The following FDCSP variants were observed in gnomAD, a reference collection of about 807,000 sequenced individuals.
FDCSP encodes follicular dendritic cell secreted peptide.
FDCSP carries 8 observed loss-of-function variants against 8.9 expected under a neutral mutation model. The ratio of observed to expected loss-of-function variants is 0.90; its 90% CI spans 0.53 to 1.63. The LOEUF is 1.63. Among genes scored for constraint, FDCSP ranks in the 40% most tolerant of loss-of-function variants. The pLI is 0.00. For synonymous variants in FDCSP, 34 were observed against 34.5 expected (o/e 0.98, Z 0.06); for missense variants, 101 against 103.6 (o/e 0.98, Z 0.11).
At position 70,234,898 on chromosome 4, in the gene FDCSP, AT is replaced by A. The variant is rs534397138; in HGVS notation, c.*29-186del. On this transcript the variant is annotated intron_variant, in intron 4 of 4. Transcript: ENST00000317987. ...CCCAGAGGACTGTTCTAGGAAAAAA[AT>A]ATTTCAGCTACTACTTACCACTAAA... Among the ~76,000 whole-genome samples, 324 of 151,462 alleles carry A rather than the reference AT, an allele frequency of 2.1e-3. 2 individuals carry two copies. The highest frequency in any genetic ancestry group is 7.3e-3 in the African/African-American group (303 of 41,460).
At chr4:70,230,415 C>A (rs888403642) in intron 1 of FDCSP, among the ~76,000 whole-genome samples, 6 of 151,666 alleles carry the variant, frequency 4.0e-5, no homozygotes, top group Non-Finnish European at 4.4e-5. Flanking sequence ...TTGAATAAAT[C>A]TTTAATTTAG....
At chr4:70,234,764 T>C (rs1388358767) in intron 4 of FDCSP, among the ~76,000 whole-genome samples, 3 of 151,254 alleles carry the variant, frequency 2.0e-5, no homozygotes, top group Non-Finnish European at 3.0e-5. Context: ...TGTCAATTAC[T>C]AGATAAATTG....
intron 2 of FDCSP, among the ~76,000 whole-genome samples, chr4:70,231,635 G>T (rs1316635727): frequency 2.6e-5 from 4 of 151,612 alleles, no homozygotes; most frequent in African/African-American, 9.7e-5. Flanking sequence ...AAAAAATTAT[G>T]CACAGTTCAT....
At position 70,227,730 on chromosome 4, in the gene FDCSP, A is replaced by C. The variant is rs1514395; in HGVS notation, c.-1+1548A>C. 5.5e-3 allele frequency among the ~76,000 whole-genome samples: 838 copies of C among 151,894 alleles called. 10 individuals carry two copies. The highest frequency in any genetic ancestry group is 0.019 in the African/African-American group (793 of 41,518). ...TGACCACCACCATAGAATGAGTATC[A>C]AAGTTAGGCAGGTCAAATGAATTTC... is the stretch of plus-strand genomic sequence containing the variant. On this transcript the variant is annotated intron_variant, in intron 1 of 4. Coordinates refer to ENST00000317987, the MANE Select transcript of FDCSP (RefSeq NM_152997.4).
In FDCSP at chr4:70,234,111, T is replaced by C. The variant is rs758824568; in HGVS notation, c.182T>C (p.Phe61Ser). The C allele has an allele frequency of 1.2e-6, 2 of 1,611,458 alleles. No homozygotes were observed. The highest frequency in any genetic ancestry group is 1.7e-5 in the Admixed American group (1 of 59,754). Reference protein sequence around the residue: ...RPLPPIPFPRFPWFRRNFPIP... With the variant: ...RPLPPIPFPRSPWFRRNFPIP... The stretch of plus-strand genomic sequence containing the variant: ...CTTCCACCAATTCCATTTCCAAGAT[T>C]TCCATGGTTTAGACGTAATTTTCCT... The change falls in exon 4 of 5, where the codon TTT (phenylalanine) becomes TCT (serine). Residue 61 changes from phenylalanine to serine, a missense_variant. Physicochemically the swap from Phe to Ser is radical, Grantham distance 155 (BLOSUM62 -2). Transcript: ENST00000317987.
intron 1 of FDCSP, among the ~76,000 whole-genome samples, chr4:70,227,909 C>T (rs758030859): frequency 6.6e-6 from 1 of 151,818 alleles, no homozygotes; most frequent in African/African-American, 2.4e-5. Flanking sequence ...TTCACTGAGT[C>T]ATAATCTTTT....
In FDCSP at chr4:70,234,125, C is replaced by T. The variant is rs764407142; in HGVS notation, c.196C>T (p.Arg66Cys). The T allele has an allele frequency of 1.1e-5, 18 of 1,611,252 alleles. No homozygotes were observed. The highest frequency in any genetic ancestry group is 1.4e-5 in the Non-Finnish European group (16 of 1,178,246). Reference sequence around the variant, plus strand: ...ATTTCCAAGATTTCCATGGTTTAGACGTAATTTTCCTATTCCAATACCTGA... The same window carrying T: ...ATTTCCAAGATTTCCATGGTTTAGATGTAATTTTCCTATTCCAATACCTGA... ...IPFPRFPWFR[R>C]NFPIPIPESA... Residue 66 changes from arginine to cysteine, a missense_variant, in exon 4 of 5, where the codon CGT becomes TGT. Physicochemically the swap from Arg to Cys is radical, Grantham distance 180. Coordinates refer to ENST00000317987, the MANE Select transcript of FDCSP (RefSeq NM_152997.4).
chr4:70,231,487 A>AT (rs577115678), intron 2 of FDCSP, among the ~76,000 whole-genome samples: 84 of 151,646 alleles, frequency 5.5e-4, no homozygotes, highest in East Asian at 1.2e-3. Flanking sequence ...TATAAAAAAA[A>AT]ATATATATAT....
rs1347507278 is a variant in FDCSP at position 70,231,224 on chromosome 4, C to T, written c.30C>T (p.Ala10=). 6.2e-7 allele frequency: 1 copy of T among 1,601,984 alleles called. No individual in the cohort carries two copies. Residue 10 remains alanine (A), a synonymous_variant, in exon 2 of 5, where the codon GCC becomes GCT. Transcript: ENST00000317987. The stretch of plus-strand genomic sequence containing the variant: ...AGAAAGTTCTCCTCCTGATCACAGC[C>T]ATCTTGGCAGTGGCTGTTGGTTTCC... MKKVLLLIT[A]ILAVAVGFPV...
rs1053488902 is a variant in FDCSP at position 70,234,095 on chromosome 4, A to G, written c.166A>G (p.Ile56Val). The change falls in exon 4 of 5, where the codon ATT becomes GTT. Residue 56 changes from isoleucine (I) to valine (V), a missense_variant. Transcript: ENST00000317987. ...ATATCCATTTCGCCCACTTCCACCA[A>G]TTCCATTTCCAAGATTTCCATGGTT... ...YPYPFRPLPP[I>V]PFPRFPWFRR... The G allele has an allele frequency of 5.6e-6, 9 of 1,611,200 alleles. No homozygotes were observed. In the African/African-American group the frequency reaches 6.7e-5, roughly 12 times the overall value.
chr4:70,232,710 T>G (rs1048817636), intron 2 of FDCSP, among the ~76,000 whole-genome samples: 1 of 151,588 alleles, frequency 6.6e-6, no homozygotes, highest in Non-Finnish European at 1.5e-5. Context: ...ACCTAACACC[T>G]GCCCTTTTAT....
intron 2 of FDCSP, among the ~76,000 whole-genome samples, chr4:70,231,962 A>T (rs141285055): frequency 6.6e-6 from 1 of 151,776 alleles, no homozygotes; most frequent in African/African-American, 2.4e-5. Flanking sequence ...GTTTAAAAGT[A>T]AAAAAGAAAA....
At chr4:70,233,878 T>C (rs111988066) in intron 3 of FDCSP, 142 bp from the exon 4 acceptor site, 2 of 694,414 alleles carry the variant, frequency 2.9e-6, no homozygotes, top group East Asian at 5.3e-5. Context: ...CTGTCCATAG[T>C]ACACACAGAA....
intron 2 of FDCSP, among the ~76,000 whole-genome samples, chr4:70,231,769 T>G (rs1318959116): frequency 6.6e-6 from 1 of 151,674 alleles, no homozygotes; most frequent in East Asian, 1.9e-4. Context: ...GACAGGTCCT[T>G]CAGGAGGTAT....
chr4:70,234,166 T>A lies in FDCSP; in HGVS notation c.237T>A (p.Thr79=). 1 of 1,609,214 alleles carries A rather than the reference T, an allele frequency of 6.2e-7. No homozygotes were observed. Among genetic ancestry groups the A allele is most frequent in the East Asian group, 2.2e-5 (1 of 44,696 alleles). ...PIPIPESAPT[T]PLPSEK is the part of the protein sequence containing the mutation. ...CAATACCTGAATCTGCCCCTACAAC[T>A]CCCCTTCCTAGCGAAAAGTAAACAA... Residue 79 remains threonine, a synonymous_variant, in exon 4 of 5, where the codon ACT becomes ACA. Coordinates refer to ENST00000317987, the MANE Select transcript of FDCSP (RefSeq NM_152997.4).
rs1293357857 is a variant in FDCSP at position 70,234,086 on chromosome 4, C to A, written c.157C>A (p.Leu53Ile). The A allele has an allele frequency of 1.2e-6, 2 of 1,611,410 alleles. No homozygotes were observed. The highest frequency in any genetic ancestry group is 1.7e-6 in the Non-Finnish European group (2 of 1,178,330). Reference sequence around the variant, plus strand: ...CCCTTACCCATATCCATTTCGCCCACTTCCACCAATTCCATTTCCAAGATT... The same window carrying A: ...CCCTTACCCATATCCATTTCGCCCAATTCCACCAATTCCATTTCCAAGATT... ...VFPYPYPFRP[L>I]PPIPFPRFPW... Residue 53 changes from leucine (L) to isoleucine (I), a missense_variant, in exon 4 of 5, where the codon CTT (leucine) becomes ATT (isoleucine). Coordinates refer to ENST00000317987, the MANE Select transcript of FDCSP (RefSeq NM_152997.4).
chr4:70,229,251 T>G (rs920009166), intron 1 of FDCSP, among the ~76,000 whole-genome samples: 5 of 151,708 alleles, frequency 3.3e-5, no homozygotes, highest in African/African-American at 1.2e-4. Context: ...TCTTCACATC[T>G]CTCAATCTTT....
Position 70,226,986 on chromosome 4 carries a change from T to C in FDCSP, c.-1+804T>C, listed in dbSNP as rs1450538466. ...AATTCTATTCTCTCCAAAACTATTT[T>C]CTCAACCTGCCTCTTTCTTCTTCTA... On this transcript the variant is annotated intron_variant, in intron 1 of 4. Coordinates refer to ENST00000317987, the MANE Select transcript of FDCSP (RefSeq NM_152997.4). Among the ~76,000 whole-genome samples the C allele has an allele frequency of 5.3e-5, 8 of 152,058 alleles. No individual in the cohort carries two copies. The South Asian group carries it at 8.3e-4, about 16-fold the overall frequency.
At chr4:70,229,565 C>A (rs185751022) in intron 1 of FDCSP, among the ~76,000 whole-genome samples, 2 of 151,790 alleles carry the variant, frequency 1.3e-5, no homozygotes, top group African/African-American at 4.8e-5. Context: ...AGGAGACATG[C>A]GACTCTTCCT....
Sources: gnomAD v4.1 joint callset for allele counts (sites outside exome capture counted in the v4.1 genomes callset) on GRCh38, gnomAD v4.1.1 for gene constraint, MANE v1.5 for transcripts, NCBI Gene and HGNC (gene_info 2026-07-23, HGNC 2026-07-21) for gene names.